Variants in MLLT10 observed in about 807,000 individuals in gnomAD.
MLLT10 encodes MLLT10 histone lysine methyltransferase DOT1L cofactor.
Under a neutral mutation model 129.1 loss-of-function variants are expected in MLLT10, and 30 were observed. That is an observed-to-expected ratio of 0.23 (90% CI 0.17 to 0.32). MLLT10 has a LOEUF of 0.32. Ranked by LOEUF, MLLT10 falls within the 10% of genes least tolerant of loss-of-function variation. The probability of loss-of-function intolerance (pLI) is 1.00; values close to 1 mark genes in which losing one functional copy is unlikely to be tolerated. For missense variants in MLLT10, 1,119 were observed against 1,268.3 expected, an observed-to-expected ratio of 0.88 and a Z score of 1.79; for synonymous variants, 490 against 446.4, an observed-to-expected ratio of 1.10 and a Z score of -1.23.
At chr10:21,688,545 A>G (rs2053521266) in intron 13 of MLLT10, 2 of 1,610,180 alleles carry the variant, frequency 1.2e-6, no homozygotes, top group Admixed American at 1.7e-5. Context: ...ATAGGTATGT[A>G]CCAAACTCCA....
chr10:21,534,887 G>GC, intron 2 of MLLT10, 83 bp downstream of exon 2: 1 of 998,854 alleles, frequency 1.0e-6, no homozygotes, highest in East Asian at 7.4e-5. Context: ...AACCGCCGGC[G>GC]CCCCCGCCCC....
chr10:21,659,105 C>A (rs147585710), intron 9 of MLLT10, among the ~76,000 whole-genome samples: 3 of 151,940 alleles, frequency 2.0e-5, no homozygotes, highest in African/African-American at 7.3e-5. Context: ...GGATGCAGGT[C>A]CTTTGTCAGA....
chr10:21,607,604 A>C (rs1052338517), intron 5 of MLLT10, among the ~76,000 whole-genome samples: 1 of 152,188 alleles, frequency 6.6e-6, no homozygotes, highest in African/African-American at 2.4e-5. Context: ...TACAGGCGTG[A>C]GCCACCCCTG....
intron 8 of MLLT10, among the ~76,000 whole-genome samples, chr10:21,634,663 A>C (rs191301283): frequency 2.6e-5 from 4 of 152,332 alleles, no homozygotes; most frequent in Admixed American, 1.3e-4. Context: ...GTTTCTATCA[A>C]TGCTTCCATA....
At chr10:21,635,925 CTT>C (rs530505484) in intron 8 of MLLT10, among the ~76,000 whole-genome samples, 12 of 111,498 alleles carry the variant, frequency 1.1e-4, no homozygotes, top group African/African-American at 1.0e-4. Flanking sequence ...TGCACCTGGC[CTT>C]TTTTTTTTTT....
At chr10:21,577,688 C>G (rs1233498190) in intron 3 of MLLT10, among the ~76,000 whole-genome samples, 2 of 151,870 alleles carry the variant, frequency 1.3e-5, no homozygotes, top group Non-Finnish European at 2.9e-5. Flanking sequence ...CTAGGCTAGT[C>G]TTGAACTCCT....
intron 13 of MLLT10, among the ~76,000 whole-genome samples, chr10:21,690,604 G>A (rs2053757424): frequency 6.6e-6 from 1 of 151,986 alleles, no homozygotes; most frequent in Admixed American, 6.6e-5. Flanking sequence ...AATTCTCAGT[G>A]TCGCCTGAGA....
At chr10:21,652,734 C>T (rs918563135) in intron 9 of MLLT10, among the ~76,000 whole-genome samples, 1 of 152,082 alleles carries the variant, frequency 6.6e-6, no homozygotes, top group Non-Finnish European at 1.5e-5. Context: ...CGTGGTCTGA[C>T]TTAGGTTTTG....
At chr10:21,536,058 T>G (rs896253014) in intron 2 of MLLT10, among the ~76,000 whole-genome samples, 1 of 152,222 alleles carries the variant, frequency 6.6e-6, no homozygotes, top group Non-Finnish European at 1.5e-5. Flanking sequence ...TTCTCCTGCC[T>G]CAGCTTCTTG....
intron 5 of MLLT10, among the ~76,000 whole-genome samples, chr10:21,597,591 C>T (rs563061597): frequency 2.0e-5 from 3 of 152,148 alleles, no homozygotes; most frequent in Non-Finnish European, 4.4e-5. Flanking sequence ...AGGCTGCTCT[C>T]GAACTCCTGG....
intron 5 of MLLT10, among the ~76,000 whole-genome samples, chr10:21,597,202 A>G (rs1399079009): frequency 6.6e-6 from 1 of 152,178 alleles, no homozygotes; most frequent in Admixed American, 6.5e-5. Context: ...AGAGTTTCCC[A>G]TAAAGAAGGA....
At chr10:21,564,992 G>A (rs768490798) in intron 3 of MLLT10, among the ~76,000 whole-genome samples, 1 of 152,032 alleles carries the variant, frequency 6.6e-6, no homozygotes, top group African/African-American at 2.4e-5. Context: ...CTCTATAGTG[G>A]ATTTGTGCAT....
At chr10:21,672,494 C>T (rs994764931) in intron 10 of MLLT10, among the ~76,000 whole-genome samples, 4 of 151,958 alleles carry the variant, frequency 2.6e-5, no homozygotes, top group Admixed American at 1.3e-4. Context: ...TCAGTAGAGT[C>T]GGGGGTTTCA....
At chr10:21,578,934 A>G (rs893171472) in intron 3 of MLLT10, among the ~76,000 whole-genome samples, 11 of 152,222 alleles carry the variant, frequency 7.2e-5, no homozygotes, top group Non-Finnish European at 1.5e-4. Flanking sequence ...AAGTCTTCTA[A>G]GTTTACCCAG....
chr10:21,579,665 T>C (rs188471577), intron 3 of MLLT10, among the ~76,000 whole-genome samples: 384 of 151,546 alleles, frequency 2.5e-3, no homozygotes, highest in African/African-American at 8.6e-3. Context: ...TGGGTTCAAG[T>C]GATTCTCCTG....
intron 8 of MLLT10, among the ~76,000 whole-genome samples, chr10:21,635,975 C>T (rs1367507415): frequency 7.2e-6 from 1 of 138,800 alleles, no homozygotes; most frequent in Non-Finnish European, 1.5e-5. Context: ...CCTCTTCTGT[C>T]AAATCATAGC....
chr10:21,699,148 T>G (rs926757288), intron 13 of MLLT10, among the ~76,000 whole-genome samples: 3 of 152,176 alleles, frequency 2.0e-5, no homozygotes, highest in African/African-American at 7.2e-5. Context: ...GTGCTGGGAT[T>G]ACAGGTGTGA....
rs891618938 is a variant in MLLT10 at position 21,742,042 on chromosome 10, C to T, written c.*59C>T. On this transcript the variant is annotated 3_prime_UTR_variant, in exon 23 of 23. Transcript: ENST00000307729. ...CTGTTCTAGCACTTCATCTGGCTGC[C>T]TTTGCAGTCCTTTTACTACAGCTAT... The T allele has an allele frequency of 6.7e-7, 1 of 1,492,382 alleles. No homozygotes were observed. Among genetic ancestry groups the T allele is most frequent in the Non-Finnish European group, 9.3e-7 (1 of 1,077,176 alleles). The allele number at this position is 1,492,382 out of a possible 1,614,324, so 92.4% of individuals were successfully genotyped here.
At chr10:21,736,324 G>A (rs1056838752) in intron 21 of MLLT10, among the ~76,000 whole-genome samples, 9 of 152,090 alleles carry the variant, frequency 5.9e-5, no homozygotes, top group Admixed American at 2.6e-4. Context: ...TTGCTCTGTC[G>A]CCCAGGCTGG....
Sources: allele counts gnomAD v4.1 joint callset (sites outside exome capture counted in the v4.1 genomes callset), GRCh38; gene constraint gnomAD v4.1.1; transcripts MANE v1.5; gene names NCBI Gene and HGNC (gene_info 2026-07-23, HGNC 2026-07-21).